The following HMCN2 variants were observed in gnomAD, a reference collection of about 807,000 sequenced individuals.
HMCN2 encodes the protein hemicentin 2, also known as hemicentin-2.
Under a neutral mutation model 377.5 loss-of-function variants are expected in HMCN2, and 325 were observed. That is an observed-to-expected ratio of 0.86 (90% CI 0.79 to 0.94). The LOEUF is 0.94. HMCN2 is among the 40% of genes least tolerant of loss of function. HMCN2 has a pLI of 0.00. For missense variants in HMCN2, 4,543 were observed against 4,725.3 expected, an observed-to-expected ratio of 0.96 and a Z score of 1.13; for synonymous variants, 2,007 against 2,046.8, an observed-to-expected ratio of 0.98 and a Z score of 0.53.
chr9:130,267,120 A>G (rs527571288), intron 1 of HMCN2, among the ~76,000 whole-genome samples: 2 of 151,638 alleles, frequency 1.3e-5, no homozygotes, highest in African/African-American at 4.8e-5. Flanking sequence ...TGATTTTTAA[A>G]TTTTTTATAG....
chr9:130,289,137 C>A (rs1208406255), intron 4 of HMCN2, among the ~76,000 whole-genome samples: 1 of 152,142 alleles, frequency 6.6e-6, no homozygotes, highest in Non-Finnish European at 1.5e-5. Flanking sequence ...GCCCCTCTGT[C>A]TTTTTTTCCT....
intron 19 of HMCN2, among the ~76,000 whole-genome samples, chr9:130,324,452 C>T (rs1031000027): frequency 0.011 from 1,604 of 152,322 alleles, 30 homozygotes; most frequent in African/African-American, 0.037. Flanking sequence ...GCTCCCGCCA[C>T]GCGCAGCCTT....
At chr9:130,401,710 G>A (rs778811906) in intron 77 of HMCN2, among the ~76,000 whole-genome samples, 11 of 152,194 alleles carry the variant, frequency 7.2e-5, no homozygotes, top group Non-Finnish European at 1.0e-4. Flanking sequence ...TTGTTAGTTC[G>A]TTAGCGAAAC....
At chr9:130,426,064 G>C (rs1323066335) in intron 90 of HMCN2, 140 bp downstream of exon 90, 1 of 680,064 alleles carries the variant, frequency 1.5e-6, no homozygotes, top group Non-Finnish European at 2.5e-6. Flanking sequence ...AGACGGCCCG[G>C]CTGGCCTACT....
In HMCN2 at chr9:130,408,907, G is replaced by A. The variant is rs1396292344; in HGVS notation, c.12853G>A (p.Gly4285Ser). 14 of 1,289,574 alleles carry A rather than the reference G, an allele frequency of 1.1e-5. No individual in the cohort carries two copies. The highest frequency in any genetic ancestry group is 4.6e-5 in the Admixed American group (2 of 43,544). The allele number at this position is 1,289,574 out of a possible 1,614,324, so 79.9% of individuals were successfully genotyped here. A position where few individuals can be genotyped will look rare whatever the true frequency, so the allele number is the denominator to read the frequency against. Reference sequence around the variant, plus strand: ...CCACCTCCGGCACCAGCTGCAGAATGGCTCGCTGACCATCCGCAGGACTGA... The same window carrying A: ...CCACCTCCGGCACCAGCTGCAGAATAGCTCGCTGACCATCCGCAGGACTGA... Reference protein sequence around the residue: ...GSHLRHQLQNGSLTIRRTERD... With the variant: ...GSHLRHQLQNSSLTIRRTERD... The change falls in exon 84 of 98, where the codon GGC becomes AGC. Residue 4285 changes from glycine to serine, a missense_variant. This residue lies in a region of HMCN2 where 1,155 missense variants were observed against 1,157.7 expected (regional missense o/e 1.00). Transcript: ENST00000683500.
intron 47 of HMCN2, 123 bp downstream of exon 47, chr9:130,372,530 G>A (rs1841080380): frequency 5.3e-6 from 1 of 188,244 alleles, no homozygotes; most frequent in South Asian, 1.8e-4. Context: ...CAGAGAAGGA[G>A]GGAGAAGCTA....
chr9:130,323,052 G>A (rs958752256), intron 19 of HMCN2, among the ~76,000 whole-genome samples: 10 of 152,276 alleles, frequency 6.6e-5, no homozygotes, highest in East Asian at 3.9e-4. Context: ...TCGCCATCCA[G>A]GGTGGAGTGT....
intron 75 of HMCN2, among the ~76,000 whole-genome samples, chr9:130,399,260 A>C (rs1008786452): frequency 1.3e-5 from 2 of 152,058 alleles, no homozygotes; most frequent in African/African-American, 4.8e-5. Context: ...CAAAAAAAAA[A>C]AAAAAAAAAA....
chr9:130,426,010 C>A, intron 90 of HMCN2, 86 bp downstream of exon 90: 2 of 968,002 alleles, frequency 2.1e-6, no homozygotes, highest in Non-Finnish European at 3.1e-6. Context: ...GAATCCACCC[C>A]TGCCCCTAAC....
intron 79 of HMCN2, 30 bp downstream of exon 79, chr9:130,403,358 G>A (rs1024458604): frequency 1.6e-6 from 2 of 1,289,204 alleles, no homozygotes; most frequent in Non-Finnish European, 2.0e-6. Context: ...AGCCTGGGAA[G>A]GGAAGAGAAG....
chr9:130,425,039 G>C lies in HMCN2; in HGVS notation c.13550G>C (p.Arg4517Pro). The change falls in exon 89 of 98, where the codon CGG (arginine) becomes CCG (proline). Residue 4517 changes from arginine (R) to proline (P), a missense_variant. Transcript: ENST00000683500. ...GELLTMTQVA[R>P]GLDPDGLLLL... ...CTGCTCACGATGACCCAGGTGGCCC[G>C]GGGTCTGGATCCCGATGGCCTCCTG... 6.5e-7 allele frequency: 1 copy of C among 1,549,730 alleles called. No individual in the cohort carries two copies. The highest frequency in any genetic ancestry group is 8.7e-7 in the Non-Finnish European group (1 of 1,146,544).
intron 94 of HMCN2, 66 bp downstream of exon 94, chr9:130,429,751 C>T (rs1458546054): frequency 7.7e-7 from 1 of 1,296,796 alleles, no homozygotes; most frequent in Non-Finnish European, 1.0e-6. Flanking sequence ...GATGCAGGGC[C>T]CCAGCCTGCC....
intron 11 of HMCN2, 60 bp downstream of exon 11, chr9:130,305,062 C>T: frequency 2.3e-6 from 1 of 438,404 alleles, no homozygotes; most frequent in South Asian, 1.7e-5. Context: ...GTGTTTACCC[C>T]AGAAGCCGCG....
intron 30 of HMCN2, among the ~76,000 whole-genome samples, chr9:130,352,178 T>A (rs1049404686): frequency 2.6e-5 from 4 of 152,238 alleles, no homozygotes; most frequent in African/African-American, 9.6e-5. Context: ...TCACACTTCC[T>A]TACACTGAAA....
chr9:130,277,417 T>C (rs1834753285), intron 1 of HMCN2, among the ~76,000 whole-genome samples: 1 of 152,210 alleles, frequency 6.6e-6, no homozygotes, highest in Non-Finnish European at 1.5e-5. Flanking sequence ...GTTCTGAGTG[T>C]CTACAGCTTC....
Position 130,433,802 on chromosome 9 carries a change from C to T in HMCN2, c.*109C>T. 1 of 919,908 alleles carries T rather than the reference C, an allele frequency of 1.1e-6. No individual in the cohort carries two copies. The highest frequency in any genetic ancestry group is 1.5e-6 in the Non-Finnish European group (1 of 652,946). The allele number at this position is 919,908 out of a possible 1,614,324, so 57.0% of individuals were successfully genotyped here. On this transcript the variant is annotated 3_prime_UTR_variant, in exon 98 of 98. Transcript: ENST00000683500. ...GCAAGCGGAGCGTCATCGTCTCCCG[C>T]CCCGTGCGTCAGCGAGACCTTGGGT...
At position 130,358,704 on chromosome 9, in the gene HMCN2, C is replaced by T. The variant is rs1254849256; in HGVS notation, c.5677+218C>T. On this transcript the variant is annotated intron_variant, in intron 36 of 97. Transcript: ENST00000683500. ...TTTTTTTTTTTTTGAGATGGAGTCTCGCTCTGTCGCCCAGGCTGGAGTGCA... is the reference window on the plus strand; with the variant it reads ...TTTTTTTTTTTTTGAGATGGAGTCTTGCTCTGTCGCCCAGGCTGGAGTGCA... 1.6e-4 allele frequency among the ~76,000 whole-genome samples: 24 copies of T among 151,164 alleles called. No homozygotes were observed. In the East Asian group the frequency reaches 3.7e-3, roughly 23 times the overall value.
chr9:130,411,833 A>G (rs1409781061), intron 85 of HMCN2, among the ~76,000 whole-genome samples: 2 of 151,938 alleles, frequency 1.3e-5, no homozygotes. Context: ...TTAGAATTTA[A>G]TGAGTCCGGA....
chr9:130,409,105 A>G (rs1325198221), intron 84 of HMCN2, among the ~76,000 whole-genome samples, 172 bp downstream of exon 84: 1 of 152,180 alleles, frequency 6.6e-6, no homozygotes, highest in African/African-American at 2.4e-5. Flanking sequence ...CCTCCAGCCA[A>G]CTGGGCTTTT....
Sources: allele counts gnomAD v4.1 joint callset (sites outside exome capture counted in the v4.1 genomes callset), GRCh38; gene constraint gnomAD v4.1.1; regional missense constraint gnomAD v4.1.1; transcripts MANE v1.5; gene names NCBI Gene and HGNC (gene_info 2026-07-23, HGNC 2026-07-21).